STPG2: variants seen among roughly 807,000 people sequenced by gnomAD.
STPG2 encodes sperm-tail PG-rich repeat-containing protein 2.
STPG2 carries 56 observed loss-of-function variants against 54.2 expected under a neutral mutation model. That is an observed-to-expected ratio of 1.03 (90% CI 0.83 to 1.29). The LOEUF is 1.29. STPG2 is among the 50% of genes most tolerant of loss of function. The probability of loss-of-function intolerance (pLI) is 0.00; values close to 1 mark genes in which losing one functional copy is unlikely to be tolerated. For synonymous variants in STPG2, 200 were observed against 181.8 expected (o/e 1.10, Z -0.81); for missense variants, 596 against 544.9 (o/e 1.09, Z -0.93).
chr4:97,783,361 A>T (rs897498822), intron 9 of STPG2, among the ~76,000 whole-genome samples: 6 of 152,236 alleles, frequency 3.9e-5, no homozygotes, highest in African/African-American at 1.4e-4. Context: ...AATGCAAATC[A>T]AAACCAAGAT....
chr4:97,704,794 A>G (rs1723890387), intron 10 of STPG2, among the ~76,000 whole-genome samples: 1 of 152,222 alleles, frequency 6.6e-6, no homozygotes, highest in South Asian at 2.1e-4. Flanking sequence ...GTCACATTCT[A>G]AAATATATTT....
intron 4 of STPG2, among the ~76,000 whole-genome samples, chr4:97,541,417 T>C (rs1276862713): frequency 4.6e-5 from 7 of 152,126 alleles, no homozygotes; most frequent in Non-Finnish European, 8.8e-5. Context: ...TTACAAGGGA[T>C]GTGTAGGATC....
chr4:97,998,280 C>T (rs1017122527), intron 5 of STPG2, among the ~76,000 whole-genome samples: 1 of 152,126 alleles, frequency 6.6e-6, no homozygotes, highest in African/African-American at 2.4e-5. Context: ...TCCACATTTG[C>T]ACTCTCAGAG....
intron 10 of STPG2, among the ~76,000 whole-genome samples, chr4:97,600,015 CT>C (rs1733416602): frequency 6.6e-6 from 1 of 152,028 alleles, no homozygotes; most frequent in African/African-American, 2.4e-5. Flanking sequence ...CATGTCCTCA[CT>C]TATAAATGGA....
intron 9 of STPG2, among the ~76,000 whole-genome samples, chr4:97,768,686 C>G (rs1726130911): frequency 6.6e-6 from 1 of 151,886 alleles, no homozygotes; most frequent in South Asian, 2.1e-4. Context: ...AGAACCACTC[C>G]ATAGTTTGGT....
At chr4:97,743,415 T>G (rs1725328580) in intron 9 of STPG2, among the ~76,000 whole-genome samples, 1 of 151,760 alleles carries the variant, frequency 6.6e-6, no homozygotes, top group Admixed American at 6.6e-5. Context: ...GACTTATTGT[T>G]ATTTACACAA....
Position 97,443,857 on chromosome 4 carries a change from A to T in STPG2, c.463-256024T>A, listed in dbSNP as rs73834633. Among the ~76,000 whole-genome samples, 1,233 of 152,304 alleles carry T rather than the reference A, an allele frequency of 8.1e-3. 14 individuals carry two copies. The highest frequency in any genetic ancestry group is 0.028 in the African/African-American group (1,153 of 41,564). On this transcript the variant is annotated intron_variant, in intron 4 of 4. Coordinates refer to the STPG2 transcript ENST00000522676. ...TAATCAAAAAACAGAAAACTAAAAC[A>T]TAAGCAGAACCAAAGGTGAATTAGA...
At chr4:97,692,426 A>G (rs1723401120) in intron 10 of STPG2, among the ~76,000 whole-genome samples, 1 of 152,130 alleles carries the variant, frequency 6.6e-6, no homozygotes, top group African/African-American at 2.4e-5. Context: ...ATAGAATCGA[A>G]CAAGAAAAAG....
At chr4:97,694,812 C>CAA (rs70953083) in intron 10 of STPG2, among the ~76,000 whole-genome samples, 6 of 44,032 alleles carry the variant, frequency 1.4e-4, no homozygotes, top group Non-Finnish European at 2.6e-4. Flanking sequence ...GACTCTGTCA[C>CAA]AAAAAAAAAA....
At chr4:97,613,162 C>T (rs1733772146) in intron 10 of STPG2, among the ~76,000 whole-genome samples, 1 of 152,026 alleles carries the variant, frequency 6.6e-6, no homozygotes, top group Non-Finnish European at 1.5e-5. Context: ...CTAATGTCCT[C>T]TTCCTTTTTA....
At chr4:98,097,323 A>G (rs372869273) in intron 5 of STPG2, among the ~76,000 whole-genome samples, 4 of 152,362 alleles carry the variant, frequency 2.6e-5, no homozygotes, top group South Asian at 4.1e-4. Flanking sequence ...ACAGTTCAAC[A>G]TATGCAAATC....
intron 9 of STPG2, among the ~76,000 whole-genome samples, chr4:97,720,959 C>T (rs779598409): frequency 2.6e-5 from 4 of 152,050 alleles, no homozygotes; most frequent in South Asian, 4.2e-4. Flanking sequence ...TGCAATGTGA[C>T]GTCTTCCCTA....
At chr4:97,895,024 A>C (rs770668287) in intron 8 of STPG2, among the ~76,000 whole-genome samples, 1 of 151,936 alleles carries the variant, frequency 6.6e-6, no homozygotes, top group Non-Finnish European at 1.5e-5. Context: ...AAAATCACAC[A>C]GCTCAAACAG....
At chr4:97,760,957 A>T (rs1725872459) in intron 9 of STPG2, among the ~76,000 whole-genome samples, 1 of 152,138 alleles carries the variant, frequency 6.6e-6, no homozygotes. Flanking sequence ...ATCAGTCTTC[A>T]AAGCCAGCAG....
At chr4:97,839,427 G>A (rs1209958806) in intron 9 of STPG2, among the ~76,000 whole-genome samples, 1 of 151,508 alleles carries the variant, frequency 6.6e-6, no homozygotes, top group Non-Finnish European at 1.5e-5. Flanking sequence ...GAGAGTAAAG[G>A]AATACAGACA....
At chr4:97,584,229 C>T (rs1424983398) in intron 10 of STPG2, among the ~76,000 whole-genome samples, 3 of 151,864 alleles carry the variant, frequency 2.0e-5, no homozygotes, top group African/African-American at 7.3e-5. Context: ...CCAAAAGAAA[C>T]CCTCAAAATT....
At chr4:97,852,196 T>A (rs192059224) in intron 8 of STPG2, among the ~76,000 whole-genome samples, 1 of 152,300 alleles carries the variant, frequency 6.6e-6, no homozygotes, top group African/African-American at 2.4e-5. Context: ...GGAAAATTAT[T>A]CATTAACCCT....
At chr4:97,714,471 T>C (rs1724228103) in intron 9 of STPG2, among the ~76,000 whole-genome samples, 2 of 152,094 alleles carry the variant, frequency 1.3e-5, no homozygotes, top group Admixed American at 1.3e-4. Flanking sequence ...TCTAGCCCAG[T>C]CATTTTTAAT....
In STPG2 at chr4:97,938,585, T is replaced by C. The variant is rs527977228; in HGVS notation, c.1044+5312A>G. Among the ~76,000 whole-genome samples, 9 of 152,292 alleles carry C rather than the reference T, an allele frequency of 5.9e-5. No individual in the cohort carries two copies. The South Asian group carries it at 1.9e-3, about 32-fold the overall frequency. ...GCTCTGTGGTTGTGACCTAAGGCCC[T>C]GGTGGTGTGGGCTCACAAGTGGGAT... On this transcript the variant is annotated intron_variant, in intron 8 of 10. Coordinates refer to ENST00000295268, the MANE Select transcript of STPG2 (RefSeq NM_174952.3).
Sources: allele counts gnomAD v4.1 joint callset (sites outside exome capture counted in the v4.1 genomes callset), GRCh38; gene constraint gnomAD v4.1.1; transcripts MANE v1.5; gene names NCBI Gene and HGNC (gene_info 2026-07-23, HGNC 2026-07-21).